LTBP1: variants seen among roughly 807,000 people sequenced by gnomAD.
LTBP1 encodes latent transforming growth factor beta binding protein 1, also known as latent-transforming growth factor beta-binding protein 1.
Under a neutral mutation model 207.6 loss-of-function variants are expected in LTBP1, and 129 were observed. That is an observed-to-expected ratio of 0.62 (90% confidence interval 0.54 to 0.72). The LOEUF is 0.72. Ranked by LOEUF, LTBP1 falls within the 30% of genes least tolerant of loss-of-function variation. The pLI is 0.00. For missense variants in LTBP1, 2,281 were observed against 2,217.2 expected (o/e 1.03, Z -0.58); for synonymous variants, 963 against 833.7 (o/e 1.16, Z -2.67).
intron 4 of LTBP1, among the ~76,000 whole-genome samples, chr2:33,125,383 T>C (rs1386992819): frequency 1.3e-5 from 2 of 152,204 alleles, no homozygotes; most frequent in Non-Finnish European, 1.5e-5. Flanking sequence ...TCCTTGTCTC[T>C]CGAGTCTGCC....
In LTBP1 at chr2:33,188,667, C is replaced by T; in HGVS notation, c.1517C>T (p.Pro506Leu). The T allele has an allele frequency of 6.2e-7, 1 of 1,614,040 alleles. No individual in the cohort carries two copies. Among genetic ancestry groups the T allele is most frequent in the South Asian group, 1.1e-5 (1 of 91,074 alleles). Reference protein sequence around the residue: ...QIHQVSRIDGPTGQKTKEAQP... With the variant: ...QIHQVSRIDGLTGQKTKEAQP... ...CATCAGGTTTCAAGAATTGATGGCCCAACAGGCCAGAAGACAAAAGAAGCT... is the reference window on the plus strand; with the variant it reads ...CATCAGGTTTCAAGAATTGATGGCCTAACAGGCCAGAAGACAAAAGAAGCT... The change falls in exon 7 of 34, where the codon CCA becomes CTA. Residue 506 changes from proline (P) to leucine (L), a missense_variant. This residue lies in a region of LTBP1 where 1,671 missense variants were observed against 1,634.8 expected (regional missense o/e 1.02). Coordinates refer to ENST00000404816, the MANE Select transcript of LTBP1 (RefSeq NM_206943.4).
intron 5 of LTBP1, among the ~76,000 whole-genome samples, chr2:33,170,556 CTG>C (rs2085340109): frequency 6.6e-6 from 1 of 152,232 alleles, no homozygotes. Context: ...CTGCCTGCCT[CTG>C]TAGGCTCCAC....
In LTBP1 at chr2:33,134,682, C is replaced by G; in HGVS notation, c.1034-111C>G. 6.3e-7 allele frequency: 1 copy of G among 1,598,174 alleles called. No homozygotes were observed. The highest frequency in any genetic ancestry group is 8.5e-7 in the Non-Finnish European group (1 of 1,173,636). ...CGGGTTGTGGGCTCTCTCTTTTCCC[C>G]TCTTGCTCCTTTCTTTTCTTTTTTT... On this transcript the variant is annotated intron_variant, in intron 4 of 33. Coordinates refer to ENST00000404816, the MANE Select transcript of LTBP1 (RefSeq NM_206943.4). This position sits in a 1 kb window ranked among gnomAD's most constrained non-coding sequence, Gnocchi z 4.4.
intron 3 of LTBP1, among the ~76,000 whole-genome samples, chr2:33,092,251 G>A (rs549923687): frequency 6.6e-6 from 1 of 152,260 alleles, no homozygotes; most frequent in East Asian, 1.9e-4. Flanking sequence ...CAGAGACCCT[G>A]CTCACTCAGA....
intron 5 of LTBP1, among the ~76,000 whole-genome samples, chr2:33,172,683 C>G (rs2085582931): frequency 6.6e-6 from 1 of 152,198 alleles, no homozygotes. Flanking sequence ...CTCTCCACCC[C>G]AAATCAACAG....
At chr2:33,004,641 G>C (rs1686513260) in intron 2 of LTBP1, among the ~76,000 whole-genome samples, 1 of 151,104 alleles carries the variant, frequency 6.6e-6, no homozygotes, top group African/African-American at 2.4e-5. Context: ...CAGGCTTGTT[G>C]GTGCGTGACT....
intron 2 of LTBP1, among the ~76,000 whole-genome samples, chr2:32,985,668 C>G (rs1363980010): frequency 6.6e-6 from 1 of 152,152 alleles, no homozygotes; most frequent in African/African-American, 2.4e-5. Context: ...ATGAGAGATT[C>G]ATTTGTTCAT....
At chr2:33,008,111 A>C (rs1191278861) in intron 2 of LTBP1, among the ~76,000 whole-genome samples, 1 of 152,114 alleles carries the variant, frequency 6.6e-6, no homozygotes, top group Non-Finnish European at 1.5e-5. Context: ...TATAAAGCTT[A>C]TTTTTTATTG....
intron 24 of LTBP1, chr2:33,317,642 C>T (rs2094291945): frequency 6.6e-6 from 1 of 152,224 alleles, no homozygotes. Flanking sequence ...CTTGAATTAA[C>T]ACTGAGAAGT....
intron 32 of LTBP1, among the ~76,000 whole-genome samples, chr2:33,396,259 G>A (rs1348381839): frequency 1.3e-5 from 2 of 151,720 alleles, no homozygotes; most frequent in Non-Finnish European, 2.9e-5. Context: ...GTCCTGCTCT[G>A]TTGCTCAGGC....
chr2:32,956,268 A>G (rs964551919), intron 2 of LTBP1, among the ~76,000 whole-genome samples: 7 of 152,226 alleles, frequency 4.6e-5, no homozygotes, highest in Non-Finnish European at 1.0e-4. Flanking sequence ...TCTGTAGCAT[A>G]CAGTGCTGTT....
chr2:33,119,611 G>C (rs533495424), intron 4 of LTBP1, among the ~76,000 whole-genome samples: 3 of 152,112 alleles, frequency 2.0e-5, no homozygotes, highest in South Asian at 2.1e-4. Context: ...GGCTGGAGTG[G>C]AGTGGTGCGA....
chr2:33,052,979 A>G (rs1018663608), intron 3 of LTBP1, among the ~76,000 whole-genome samples: 3 of 151,334 alleles, frequency 2.0e-5, no homozygotes, highest in African/African-American at 7.3e-5. Flanking sequence ...GGTGTAAGCG[A>G]TTCTCTTGCG....
intron 13 of LTBP1, 140 bp downstream of exon 13, chr2:33,259,750 G>A (rs926617936): frequency 2.1e-5 from 14 of 663,536 alleles, no homozygotes; most frequent in Non-Finnish European, 2.8e-5. Flanking sequence ...ATAGCATTCA[G>A]TTATTCCAAA....
intron 3 of LTBP1, among the ~76,000 whole-genome samples, chr2:33,061,146 A>G (rs544869210): frequency 7.2e-5 from 11 of 152,204 alleles, no homozygotes; most frequent in African/African-American, 2.6e-4. Flanking sequence ...TTTCTAACCA[A>G]ATATGGTGGG....
At chr2:33,065,387 C>G (rs971055187) in intron 3 of LTBP1, among the ~76,000 whole-genome samples, 1 of 152,070 alleles carries the variant, frequency 6.6e-6, no homozygotes, top group African/African-American at 2.4e-5. Flanking sequence ...GACTCCATCT[C>G]TACAAAAAAT....
chr2:33,193,340 C>T (rs1407237831), intron 7 of LTBP1, among the ~76,000 whole-genome samples: 1 of 152,172 alleles, frequency 6.6e-6, no homozygotes, highest in African/African-American at 2.4e-5. Context: ...CGGGGTTTCA[C>T]CATGTTGCCC....
At chr2:33,055,237 G>A (rs1344987309) in intron 3 of LTBP1, among the ~76,000 whole-genome samples, 1 of 152,150 alleles carries the variant, frequency 6.6e-6, no homozygotes, top group East Asian at 1.9e-4. Flanking sequence ...GTGGCTGATT[G>A]GGTATTAAAC....
At chr2:33,048,164 AC>A (rs1357665702) in intron 3 of LTBP1, among the ~76,000 whole-genome samples, 1 of 152,186 alleles carries the variant, frequency 6.6e-6, no homozygotes, top group African/African-American at 2.4e-5. Context: ...TAAGAATAAA[AC>A]AGACATTCAG....
Sources: allele counts gnomAD v4.1 joint callset (sites outside exome capture counted in the v4.1 genomes callset), GRCh38; gene constraint gnomAD v4.1.1; regional missense constraint gnomAD v4.1.1; non-coding constraint Gnocchi (gnomAD v3.1); transcripts MANE v1.5; gene names NCBI Gene and HGNC (gene_info 2026-07-23, HGNC 2026-07-21).